Variants in LRRC7 observed in about 807,000 individuals in gnomAD.
LRRC7 encodes the protein leucine-rich repeat-containing protein 7.
In LRRC7, 23 loss-of-function variants were observed where a neutral mutation model predicts 175.7. The observed-to-expected ratio is 0.13, with a 90% confidence interval of 0.09 to 0.19. LRRC7 has a LOEUF of 0.19. Among genes scored for constraint, LRRC7 ranks in the 10% least tolerant of loss-of-function variants. LRRC7 has a pLI of 1.00. For synonymous variants in LRRC7, 685 were observed against 680.9 expected, an observed-to-expected ratio of 1.01 and a Z score of -0.09; for missense variants, 1,354 against 1,904.7, an observed-to-expected ratio of 0.71 and a Z score of 5.38.
chr1:70,001,361 A>C (rs1488767618), intron 11 of LRRC7, among the ~76,000 whole-genome samples: 1 of 152,234 alleles, frequency 6.6e-6, no homozygotes, highest in Non-Finnish European at 1.5e-5. Context: ...AATAAGAAAT[A>C]GAGAAATAAA....
rs185014406 is a variant in LRRC7 at position 69,596,369 on chromosome 1, G to A, written c.2+27728G>A. On this transcript the variant is annotated intron_variant, in intron 1 of 26. Transcript: ENST00000651989. ...CTTTATTGTTAATGACTGTGCAACA[G>A]CTGTCTCCATAATGTAATGTCCCTG... 1.1e-3 allele frequency among the ~76,000 whole-genome samples: 173 copies of A among 152,258 alleles called. 1 individual carries two copies. Among genetic ancestry groups the A allele is most frequent in the Admixed American group, 2.0e-3 (31 of 15,302 alleles).
intron 7 of LRRC7, among the ~76,000 whole-genome samples, chr1:69,862,810 A>G (rs1233507856): frequency 6.6e-6 from 1 of 151,898 alleles, no homozygotes; most frequent in Non-Finnish European, 1.5e-5. Flanking sequence ...CCCGTCACCT[A>G]CTATCCCTCC....
At chr1:69,986,163 C>T in intron 9 of LRRC7, 79 bp from the exon 10 acceptor site, 1 of 1,260,296 alleles carries the variant, frequency 7.9e-7, no homozygotes, top group Non-Finnish European at 1.1e-6. Context: ...ATAAACTTTA[C>T]AGTGTAGTGG....
At chr1:69,946,701 A>G (rs1245244274) in intron 8 of LRRC7, among the ~76,000 whole-genome samples, 1 of 146,868 alleles carries the variant, frequency 6.8e-6, no homozygotes, top group Non-Finnish European at 1.5e-5. Context: ...TCCGATATAA[A>G]TATTACCAGT....
intron 2 of LRRC7, among the ~76,000 whole-genome samples, chr1:69,709,247 C>T (rs532973679): frequency 6.6e-6 from 1 of 152,304 alleles, no homozygotes; most frequent in South Asian, 2.1e-4. Context: ...GATTGAGAGG[C>T]TCTCATTTGT....
At chr1:69,857,898 C>G (rs1040911887) in intron 7 of LRRC7, among the ~76,000 whole-genome samples, 43 of 152,026 alleles carry the variant, frequency 2.8e-4, no homozygotes, top group South Asian at 8.3e-4. Flanking sequence ...GCATGGTACT[C>G]GTACCAAAAC....
intron 11 of LRRC7, 44 bp from the exon 12 acceptor site, chr1:70,011,753 T>C: frequency 7.2e-7 from 1 of 1,379,888 alleles, no homozygotes; most frequent in Non-Finnish European, 1.0e-6. Flanking sequence ...AACATTTTGC[T>C]ATCTAACTTT....
At chr1:69,687,897 G>T (rs1486362843) in intron 2 of LRRC7, among the ~76,000 whole-genome samples, 12 of 152,150 alleles carry the variant, frequency 7.9e-5, no homozygotes, top group Non-Finnish European at 1.3e-4. Context: ...CATTGAATAT[G>T]ATTTAGCCTT....
intron 2 of LRRC7, among the ~76,000 whole-genome samples, chr1:69,716,478 T>C (rs779498248): frequency 2.1e-4 from 32 of 151,888 alleles, no homozygotes; most frequent in Non-Finnish European, 3.7e-4. Context: ...TCTCAGGTCT[T>C]ATTTTTAGAG....
intron 25 of LRRC7, among the ~76,000 whole-genome samples, chr1:70,106,383 G>A (rs1665145595): frequency 6.6e-6 from 1 of 152,148 alleles, no homozygotes; most frequent in African/African-American, 2.4e-5. Flanking sequence ...AAATGGAATT[G>A]TATAATATTT....
At chr1:69,840,047 G>T (rs1427330084) in intron 7 of LRRC7, among the ~76,000 whole-genome samples, 1 of 151,796 alleles carries the variant, frequency 6.6e-6, no homozygotes, top group African/African-American at 2.4e-5. Context: ...CTGATGTTGG[G>T]TCTCTTTGAT....
intron 7 of LRRC7, among the ~76,000 whole-genome samples, chr1:69,921,828 A>G (rs559709647): frequency 6.6e-6 from 1 of 152,324 alleles, no homozygotes; most frequent in African/African-American, 2.4e-5. Context: ...AGCTTGACAC[A>G]GGAGATAATC....
chr1:69,764,730 C>CAGACAGATAGATAGAT (rs1377304958), intron 3 of LRRC7, among the ~76,000 whole-genome samples: 1,688 of 140,368 alleles, frequency 0.012, 17 homozygotes, highest in East Asian at 0.033. Context: ...GATAGATAGA[C>CAGACAGATAGATAGAT]AGATAGATAG....
chr1:69,699,408 T>C (rs943241285), intron 2 of LRRC7, among the ~76,000 whole-genome samples: 2 of 151,866 alleles, frequency 1.3e-5, no homozygotes, highest in Non-Finnish European at 2.9e-5. Flanking sequence ...GGTGTGGTGG[T>C]GCACACCTGT....
chr1:70,048,094 A>G (rs1253326863), intron 22 of LRRC7, among the ~76,000 whole-genome samples: 1 of 151,908 alleles, frequency 6.6e-6, no homozygotes, highest in Non-Finnish European at 1.5e-5. Flanking sequence ...GATGTGTTTT[A>G]TTTGTAATTA....
At chr1:70,087,871 T>C (rs1663730043) in intron 24 of LRRC7, among the ~76,000 whole-genome samples, 1 of 152,152 alleles carries the variant, frequency 6.6e-6, no homozygotes, top group Non-Finnish European at 1.5e-5. Context: ...TGACAGTGAA[T>C]TAAGTATAGG....
At chr1:69,865,861 G>A (rs1340643533) in intron 7 of LRRC7, among the ~76,000 whole-genome samples, 1 of 152,102 alleles carries the variant, frequency 6.6e-6, no homozygotes, top group African/African-American at 2.4e-5. Context: ...ACCTGGCCAG[G>A]ATAACCTCAG....
At chr1:69,717,956 GAAGAA>G (rs1335109716) in intron 2 of LRRC7, among the ~76,000 whole-genome samples, 3 of 54,186 alleles carry the variant, frequency 5.5e-5, no homozygotes, top group East Asian at 6.4e-4. Context: ...AAGAAAGAAA[GAAGAA>G]AAAGAAAGAA....
chr1:69,928,665 G>A (rs1483876638), intron 7 of LRRC7, among the ~76,000 whole-genome samples: 2 of 152,236 alleles, frequency 1.3e-5, no homozygotes, highest in African/African-American at 2.4e-5. Flanking sequence ...TTGGAAAAGA[G>A]CAGTATTAGG....
Sources: allele counts gnomAD v4.1 joint callset (sites outside exome capture counted in the v4.1 genomes callset), GRCh38; gene constraint gnomAD v4.1.1; transcripts MANE v1.5; gene names NCBI Gene and HGNC (gene_info 2026-07-23, HGNC 2026-07-21).